SLC17A8: variants seen among roughly 807,000 people sequenced by gnomAD.
SLC17A8 encodes vesicular glutamate transporter 3.
A neutral mutation model predicts 58.0 loss-of-function variants in SLC17A8; 31 were observed. That is an observed-to-expected ratio of 0.53 (90% CI 0.40 to 0.72). The LOEUF (loss-of-function observed/expected upper bound fraction) is 0.72. SLC17A8 is among the 30% of genes least tolerant of loss of function. The probability of loss-of-function intolerance (pLI) is 0.00; values close to 1 mark genes in which losing one functional copy is unlikely to be tolerated. For missense variants in SLC17A8, 655 were observed against 727.8 expected (o/e 0.90, Z 1.15); for synonymous variants, 228 against 249.0 (o/e 0.92, Z 0.79).
intron 4 of SLC17A8, 55 bp from the exon 5 acceptor site, chr12:100,396,275 A>T: frequency 8.0e-6 from 11 of 1,383,436 alleles, no homozygotes; most frequent in South Asian, 5.8e-5. Flanking sequence ...CATATTTTAA[A>T]CACAAGCAGA....
At chr12:100,413,661 T>G (rs1030361595) in intron 10 of SLC17A8, among the ~76,000 whole-genome samples, 7 of 152,206 alleles carry the variant, frequency 4.6e-5, no homozygotes, top group African/African-American at 1.7e-4. Flanking sequence ...TGTTTGTCTA[T>G]CTTTAAAACA....
intron 10 of SLC17A8, among the ~76,000 whole-genome samples, chr12:100,417,011 T>C (rs1330458251): frequency 6.6e-6 from 1 of 152,186 alleles, no homozygotes; most frequent in Admixed American, 6.5e-5. Flanking sequence ...GTTCAAGTGA[T>C]TCTCCTGTCT....
intron 1 of SLC17A8, among the ~76,000 whole-genome samples, chr12:100,371,839 G>T (rs1021323847): frequency 6.6e-6 from 1 of 152,150 alleles, no homozygotes; most frequent in Admixed American, 6.5e-5. Flanking sequence ...GTGAGCCACC[G>T]TGCCCAGCTG....
At chr12:100,391,188 G>A (rs1952713465) in intron 3 of SLC17A8, 69 bp downstream of exon 3, 2 of 1,107,658 alleles carry the variant, frequency 1.8e-6, no homozygotes. Flanking sequence ...ATTCTGCATA[G>A]CTGGCTCTCA....
intron 3 of SLC17A8, among the ~76,000 whole-genome samples, chr12:100,392,754 G>A (rs181317365): frequency 1.3e-5 from 2 of 152,172 alleles, no homozygotes; most frequent in East Asian, 3.9e-4. Flanking sequence ...CCAGGAAATG[G>A]GAGCTAAGAC....
At chr12:100,371,572 G>C (rs770971817) in intron 1 of SLC17A8, among the ~76,000 whole-genome samples, 1 of 152,030 alleles carries the variant, frequency 6.6e-6, no homozygotes, top group Non-Finnish European at 1.5e-5. Flanking sequence ...CTTTTGTTTT[G>C]TTTTTTAAGT....
At chr12:100,364,679 C>T (rs2135970189) in intron 1 of SLC17A8, among the ~76,000 whole-genome samples, 1 of 152,304 alleles carries the variant, frequency 6.6e-6, no homozygotes, top group East Asian at 1.9e-4. Context: ...TAGATTGATC[C>T]ACATCTCTTC....
intron 9 of SLC17A8, among the ~76,000 whole-genome samples, chr12:100,408,054 A>C (rs1952839321): frequency 6.6e-6 from 1 of 152,230 alleles, no homozygotes; most frequent in Admixed American, 6.5e-5. Flanking sequence ...TTGTGCCATC[A>C]GTGAAGAATG....
At chr12:100,403,377 G>A (rs972767664) in intron 8 of SLC17A8, among the ~76,000 whole-genome samples, 1 of 151,870 alleles carries the variant, frequency 6.6e-6, no homozygotes, top group South Asian at 2.1e-4. Context: ...GCTGAGACAG[G>A]AGAATCACTT....
intron 1 of SLC17A8, among the ~76,000 whole-genome samples, chr12:100,368,191 T>C (rs954093359): frequency 3.3e-5 from 5 of 152,160 alleles, no homozygotes; most frequent in Non-Finnish European, 5.9e-5. Flanking sequence ...ACCCAAGGTG[T>C]TGGCAGGGCC....
chr12:100,360,911 G>A (rs1045242301), intron 1 of SLC17A8, among the ~76,000 whole-genome samples: 6 of 152,178 alleles, frequency 3.9e-5, no homozygotes, highest in Non-Finnish European at 8.8e-5. Flanking sequence ...CTCCAAGGGA[G>A]GCTTAAGGGG....
intron 1 of SLC17A8, 46 bp downstream of exon 1, chr12:100,357,538 A>C: frequency 1.6e-6 from 2 of 1,240,008 alleles, no homozygotes; most frequent in Non-Finnish European, 2.4e-6. Context: ...GTAGCTTCGT[A>C]TTGCCAATGT....
chr12:100,362,765 T>C (rs763595243), intron 1 of SLC17A8, among the ~76,000 whole-genome samples: 2 of 152,162 alleles, frequency 1.3e-5, no homozygotes, highest in Non-Finnish European at 2.9e-5. Context: ...GAAGAGTTAT[T>C]AAGACAGACT....
chr12:100,415,464 G>A (rs1207494439), intron 10 of SLC17A8, among the ~76,000 whole-genome samples: 1 of 147,754 alleles, frequency 6.8e-6, no homozygotes, highest in Non-Finnish European at 1.5e-5. Context: ...ACAGGGTCTC[G>A]CTCTGACACA....
At position 100,364,375 on chromosome 12, in the gene SLC17A8, A is replaced by G. The variant is rs531154353; in HGVS notation, c.101+6883A>G. The stretch of plus-strand genomic sequence containing the variant: ...CTGTTACAAACAACTTCTGACCAAG[A>G]GACTGGTTTGTCCCCTCAGGAATTG... On this transcript the variant is annotated intron_variant, in intron 1 of 11. Transcript: ENST00000323346. 1.5e-3 allele frequency among the ~76,000 whole-genome samples: 224 copies of G among 152,296 alleles called. 3 individuals carry two copies. Among genetic ancestry groups the G allele is most frequent in the African/African-American group, 5.1e-3 (213 of 41,554 alleles).
intron 9 of SLC17A8, among the ~76,000 whole-genome samples, chr12:100,412,009 TAG>T (rs1305838301): frequency 6.6e-6 from 1 of 152,178 alleles, no homozygotes. Context: ...CAATAAATAT[TAG>T]AGTGTTGTCA....
chr12:100,370,612 T>TAAAAA (rs61103377), intron 1 of SLC17A8, among the ~76,000 whole-genome samples: 17 of 127,168 alleles, frequency 1.3e-4, no homozygotes, highest in African/African-American at 4.4e-4. Flanking sequence ...ATCTAAATTC[T>TAAAAA]AAAAAAAAAA....
chr12:100,369,130 G>A (rs1006081206), intron 1 of SLC17A8, among the ~76,000 whole-genome samples: 1 of 152,024 alleles, frequency 6.6e-6, no homozygotes, highest in Non-Finnish European at 1.5e-5. Context: ...ACAAAAATTA[G>A]CCAGGCATGG....
chr12:100,401,229 C>T (rs1183074917), intron 5 of SLC17A8, among the ~76,000 whole-genome samples: 2 of 151,534 alleles, frequency 1.3e-5, no homozygotes, highest in African/African-American at 2.4e-5. Flanking sequence ...GAACTCCTGG[C>T]CTCAAGTGAT....
Sources: allele counts gnomAD v4.1 joint callset (sites outside exome capture counted in the v4.1 genomes callset), GRCh38; gene constraint gnomAD v4.1.1; transcripts MANE v1.5; gene names NCBI Gene and HGNC (gene_info 2026-07-23, HGNC 2026-07-21).